The following SAMHD1 variants were observed in gnomAD, a reference collection of about 807,000 sequenced individuals.
SAMHD1 encodes deoxynucleoside triphosphate triphosphohydrolase SAMHD1.
A neutral mutation model predicts 79.6 loss-of-function variants in SAMHD1; 54 were observed. The observed-to-expected ratio is 0.68, with a 90% CI of 0.55 to 0.85. The LOEUF is 0.85. Among genes scored for constraint, SAMHD1 ranks in the 40% least tolerant of loss-of-function variants. The pLI is 0.00. For synonymous variants in SAMHD1, 260 were observed against 264.1 expected (o/e 0.98, Z 0.15); for missense variants, 663 against 782.7 (o/e 0.85, Z 1.82).
rs1433555542 is a variant in SAMHD1, at chr20:36,893,259, AG to A, written c.1747-194del. 7 of 660,104 alleles carry A rather than the reference AG, an allele frequency of 1.1e-5. No individual in the cohort carries two copies. In the Admixed American group the frequency reaches 1.9e-4, roughly 18 times the overall value. The allele number at this position is 660,104 out of a possible 1,614,324, so 40.9% of individuals were successfully genotyped here. A position where few individuals can be genotyped will look rare whatever the true frequency, so the allele number is the denominator to read the frequency against. ...AATTAGAAACACTACAGTCTTACGC[AG>A]GAAGAGCCTTCATGAAAACAGCCAC... On this transcript the variant is annotated intron_variant, in intron 15 of 15. Coordinates refer to ENST00000646673, the MANE Select transcript of SAMHD1 (RefSeq NM_015474.4).
rs1023500264 is a variant in SAMHD1 at position 36,924,663 on chromosome 20, T to A, written c.696+2519A>T. The stretch of plus-strand genomic sequence containing the variant: ...CAAGGGGGCGTGACATGATTGCTGT[T>A]CTATTTCAATGCCTCTCTGGGCCTG... On this transcript the variant is annotated intron_variant, in intron 6 of 15. Coordinates refer to ENST00000646673, the MANE Select transcript of SAMHD1 (RefSeq NM_015474.4). Among the ~76,000 whole-genome samples, 10 of 152,192 alleles carry A rather than the reference T, an allele frequency of 6.6e-5. 1 individual carries two copies. The highest frequency in any genetic ancestry group is 2.0e-4 in the Admixed American group (3 of 15,268).
intron 5 of SAMHD1, among the ~76,000 whole-genome samples, chr20:36,928,393 G>T (rs1432030595): frequency 8.4e-6 from 1 of 118,412 alleles, no homozygotes; most frequent in Non-Finnish European, 1.8e-5. Context: ...CATCTCAAAA[G>T]AAAAAAAAAG....
At chr20:36,932,582 TG>T (rs1203156299) in intron 4 of SAMHD1, among the ~76,000 whole-genome samples, 11 of 150,070 alleles carry the variant, frequency 7.3e-5, no homozygotes, top group South Asian at 2.1e-4. Context: ...CATGCCCGGC[TG>T]GTTTTGTATT....
At chr20:36,930,072 G>GA (rs929381346) in intron 5 of SAMHD1, among the ~76,000 whole-genome samples, 17 of 34,532 alleles carry the variant, frequency 4.9e-4, no homozygotes, top group African/African-American at 1.3e-3. Context: ...CAAAAAGGAA[G>GA]AAAAAAAAAG....
rs71186089 is a variant in SAMHD1, at chr20:36,912,889, G to GTTTTTT, written c.1063-343_1063-338dup. The stretch of plus-strand genomic sequence containing the variant: ...TGTACCCAGCTAACTTTCATTCTTT[G>GTTTTTT]TTTTTTTTTTTTTTTTTTTTTTTTT... On this transcript the variant is annotated intron_variant, in intron 9 of 15. Coordinates refer to ENST00000646673, the MANE Select transcript of SAMHD1 (RefSeq NM_015474.4). Among the ~76,000 whole-genome samples, 389 of 41,098 alleles carry GTTTTTT rather than the reference G, an allele frequency of 9.5e-3. 121 individuals are homozygous for GTTTTTT. The highest frequency in any genetic ancestry group is 0.037 in the African/African-American group (355 of 9,542). The allele number at this position is 41,098 out of a possible 152,430, so 27.0% of individuals were successfully genotyped here.
chr20:36,945,862 C>A (rs2063682644), intron 2 of SAMHD1, among the ~76,000 whole-genome samples: 1 of 151,598 alleles, frequency 6.6e-6, no homozygotes, highest in Admixed American at 6.6e-5. Flanking sequence ...CGGGATCGCA[C>A]CATTGCACTC....
chr20:36,933,343 G>C (rs1230158535), intron 4 of SAMHD1, among the ~76,000 whole-genome samples: 3 of 152,148 alleles, frequency 2.0e-5, no homozygotes, highest in Non-Finnish European at 4.4e-5. Context: ...CTAAGATTAT[G>C]AATGCTTTTT....
At chr20:36,942,472 C>T (rs566557759) in intron 2 of SAMHD1, among the ~76,000 whole-genome samples, 23 of 152,158 alleles carry the variant, frequency 1.5e-4, no homozygotes, top group African/African-American at 5.5e-4. Flanking sequence ...TAAAACCACC[C>T]AAAACCAGGG....
intron 13 of SAMHD1, among the ~76,000 whole-genome samples, chr20:36,899,119 CA>C (rs1170296955): frequency 1.3e-5 from 2 of 151,694 alleles, no homozygotes; most frequent in Non-Finnish European, 2.9e-5. Context: ...TGCTATGTGA[CA>C]GACACAGATA....
chr20:36,937,037 A>C (rs903513154), intron 3 of SAMHD1, among the ~76,000 whole-genome samples: 9 of 151,322 alleles, frequency 5.9e-5, no homozygotes, highest in African/African-American at 2.2e-4. Flanking sequence ...GCTACTCAGG[A>C]GGCTGAGGCA....
At chr20:36,927,316 T>TTA in intron 5 of SAMHD1, 64 bp from the exon 6 acceptor site, 1 of 443,904 alleles carries the variant, frequency 2.3e-6, no homozygotes, top group Non-Finnish European at 3.3e-6. Flanking sequence ...ACTTTTTCCT[T>TTA]TTTTTTTTTT....
At chr20:36,915,233 G>A (rs911777480) in intron 9 of SAMHD1, among the ~76,000 whole-genome samples, 1 of 151,912 alleles carries the variant, frequency 6.6e-6, no homozygotes, top group Non-Finnish European at 1.5e-5. Flanking sequence ...AGCTACTCGG[G>A]AGGCAGAGGA....
chr20:36,905,572 T>C (rs542812537), intron 11 of SAMHD1, 69 bp from the exon 12 acceptor site: 1 of 1,323,322 alleles, frequency 7.6e-7, no homozygotes, highest in African/African-American at 1.5e-5. Context: ...TATAGTGCTA[T>C]TCTATTGAAA....
intron 3 of SAMHD1, among the ~76,000 whole-genome samples, chr20:36,938,638 C>T (rs1307968287): frequency 6.6e-6 from 1 of 151,930 alleles, no homozygotes. Flanking sequence ...AGATCGAGAC[C>T]ATCCTAGCTA....
chr20:36,909,434 C>G (rs570296859), intron 11 of SAMHD1, among the ~76,000 whole-genome samples: 52 of 151,700 alleles, frequency 3.4e-4, no homozygotes, highest in Non-Finnish European at 5.6e-4. Flanking sequence ...TTTGGGAGGC[C>G]GAGGCAGATG....
chr20:36,915,362 ATG>A (rs1425322905), intron 9 of SAMHD1, among the ~76,000 whole-genome samples: 3 of 152,116 alleles, frequency 2.0e-5, no homozygotes, highest in Non-Finnish European at 4.4e-5. Context: ...AACATACAAA[ATG>A]TGTGTAACTG....
intron 6 of SAMHD1, among the ~76,000 whole-genome samples, chr20:36,922,354 C>A (rs1348400642): frequency 2.0e-5 from 3 of 152,048 alleles, no homozygotes; most frequent in Non-Finnish European, 4.4e-5. Context: ...TTAGGAAATA[C>A]CCACTGAAGT....
rs769139077 is a variant in SAMHD1, at chr20:36,893,620, C to T, written c.1747-554G>A. The T allele has an allele frequency of 5.6e-5, 20 of 354,668 alleles. 1 individual carries two copies. Among genetic ancestry groups the T allele is most frequent in the African/African-American group, 1.9e-4 (9 of 47,418 alleles). The allele number at this position is 354,668 out of a possible 1,614,324, so 22.0% of individuals were successfully genotyped here. ...GATCCAAAGGGAGGCGATACAATGA[C>T]GTGAAACCATAGAGGTAAGAAGCAA... On this transcript the variant is annotated intron_variant, in intron 15 of 15. Transcript: ENST00000646673.
At chr20:36,922,260 GT>G (rs2063510679) in intron 6 of SAMHD1, among the ~76,000 whole-genome samples, 2 of 152,146 alleles carry the variant, frequency 1.3e-5, no homozygotes, top group South Asian at 4.1e-4. Context: ...AAATTTGAAA[GT>G]CTGAATTAGA....
Sources: allele counts gnomAD v4.1 joint callset (sites outside exome capture counted in the v4.1 genomes callset), GRCh38; gene constraint gnomAD v4.1.1; transcripts MANE v1.5; gene names NCBI Gene and HGNC (gene_info 2026-07-23, HGNC 2026-07-21).